Variants in GPATCH2 observed in about 807,000 individuals in gnomAD.
GPATCH2 encodes the protein G-patch domain containing 2, also known as G patch domain-containing protein 2.
In GPATCH2, 51 loss-of-function variants were observed where a neutral mutation model predicts 58.0. The ratio of observed to expected loss-of-function variants is 0.88; its 90% confidence interval spans 0.70 to 1.11. The LOEUF (loss-of-function observed/expected upper bound fraction) is 1.11, where lower values mean the gene tolerates loss of function less well. Among genes scored for constraint, GPATCH2 ranks in the 50% most tolerant of loss-of-function variants. The pLI is 0.00. For missense variants in GPATCH2, 625 were observed against 652.2 expected (o/e 0.96, Z 0.45); for synonymous variants, 222 against 218.5 (o/e 1.02, Z -0.14).
chr1:217,619,054 T>C (rs1669050090), intron 2 of GPATCH2, among the ~76,000 whole-genome samples: 1 of 152,158 alleles, frequency 6.6e-6, no homozygotes, highest in African/African-American at 2.4e-5. Context: ...TGGCTCATAG[T>C]TCAGCATTCG....
At chr1:217,565,154 C>T (rs1666154867) in intron 5 of GPATCH2, among the ~76,000 whole-genome samples, 1 of 152,142 alleles carries the variant, frequency 6.6e-6, no homozygotes, top group Non-Finnish European at 1.5e-5. Flanking sequence ...TTATTCACTA[C>T]TGGCAATACA....
intron 5 of GPATCH2, among the ~76,000 whole-genome samples, chr1:217,546,587 C>T (rs955910972): frequency 2.0e-5 from 3 of 152,174 alleles, no homozygotes; most frequent in African/African-American, 7.2e-5. Context: ...CCCTTCCTTA[C>T]AGCATATACA....
chr1:217,441,694 G>C (rs1281374015), intron 9 of GPATCH2, among the ~76,000 whole-genome samples: 1 of 152,120 alleles, frequency 6.6e-6, no homozygotes, highest in African/African-American at 2.4e-5. Context: ...GATATGAACA[G>C]ACACTTCTCA....
chr1:217,523,426 C>T (rs1368851241), intron 5 of GPATCH2, among the ~76,000 whole-genome samples: 2 of 151,646 alleles, frequency 1.3e-5, no homozygotes, highest in African/African-American at 2.4e-5. Context: ...ACAACTTGCA[C>T]CGCCCTTAAT....
intron 2 of GPATCH2, among the ~76,000 whole-genome samples, chr1:217,618,072 G>A (rs1356357979): frequency 3.3e-5 from 5 of 151,870 alleles, no homozygotes; most frequent in Admixed American, 6.6e-5. Flanking sequence ...TCTCCCTCCC[G>A]GTAATTGAGT....
intron 8 of GPATCH2, among the ~76,000 whole-genome samples, chr1:217,461,743 T>C (rs893254120): frequency 1.4e-4 from 22 of 152,278 alleles, no homozygotes; most frequent in Middle Eastern, 3.4e-3. Context: ...CTGAAGCTAG[T>C]TTTTACAGTA....
At chr1:217,625,102 A>T (rs1669387617) in intron 1 of GPATCH2, among the ~76,000 whole-genome samples, 1 of 152,228 alleles carries the variant, frequency 6.6e-6, no homozygotes, top group East Asian at 1.9e-4. Context: ...AGCTTTATTT[A>T]AAAATGTTAG....
At chr1:217,539,042 A>G (rs1015014404) in intron 5 of GPATCH2, among the ~76,000 whole-genome samples, 2 of 152,178 alleles carry the variant, frequency 1.3e-5, no homozygotes, top group African/African-American at 2.4e-5. Flanking sequence ...ATGGCATATG[A>G]GTTTAATAGA....
At chr1:217,524,592 A>T (rs1196590838) in intron 5 of GPATCH2, among the ~76,000 whole-genome samples, 1 of 150,916 alleles carries the variant, frequency 6.6e-6, no homozygotes, top group African/African-American at 2.4e-5. Flanking sequence ...AGTGAAGGAG[A>T]CTCCGTCTGC....
intron 5 of GPATCH2, among the ~76,000 whole-genome samples, chr1:217,528,441 A>C (rs1383177129): frequency 6.6e-6 from 1 of 152,232 alleles, no homozygotes; most frequent in East Asian, 1.9e-4. Flanking sequence ...AGGATGAGGC[A>C]AATCCTTCTG....
At chr1:217,454,610 ACCTT>A (rs1659852955) in intron 8 of GPATCH2, among the ~76,000 whole-genome samples, 3 of 140,376 alleles carry the variant, frequency 2.1e-5, no homozygotes, top group Admixed American at 7.1e-5. Flanking sequence ...AAAAAAAAAA[ACCTT>A]TCCTTTTTTT....
At chr1:217,452,266 C>T (rs547781580) in intron 8 of GPATCH2, among the ~76,000 whole-genome samples, 20 of 152,110 alleles carry the variant, frequency 1.3e-4, no homozygotes, top group Non-Finnish European at 5.9e-5. Context: ...AGTTACTGCA[C>T]AATGAAACTT....
chr1:217,517,365 T>C (rs970311966), intron 5 of GPATCH2, among the ~76,000 whole-genome samples: 1 of 152,150 alleles, frequency 6.6e-6, no homozygotes, highest in Non-Finnish European at 1.5e-5. Flanking sequence ...TCAATGTCAG[T>C]GGTCTGCCTC....
chr1:217,611,217 A>G (rs1266550463), intron 3 of GPATCH2, 146 bp from the exon 4 acceptor site: 3 of 703,224 alleles, frequency 4.3e-6, no homozygotes, highest in Non-Finnish European at 7.0e-6. Context: ...TAAGTATTAT[A>G]TACTTGCACT....
chr1:217,577,680 T>C (rs1479926264), intron 5 of GPATCH2, among the ~76,000 whole-genome samples: 2 of 152,134 alleles, frequency 1.3e-5, no homozygotes, highest in East Asian at 1.9e-4. Context: ...AAGAAACCCA[T>C]AAAAGTATTG....
intron 8 of GPATCH2, among the ~76,000 whole-genome samples, chr1:217,465,744 G>A (rs1462002131): frequency 6.6e-6 from 1 of 152,084 alleles, no homozygotes; most frequent in East Asian, 1.9e-4. Flanking sequence ...TCCCAGTCTT[G>A]GGTATGTCAT....
intron 6 of GPATCH2, among the ~76,000 whole-genome samples, chr1:217,499,989 CAG>C (rs1278840622): frequency 6.6e-6 from 1 of 152,062 alleles, no homozygotes; most frequent in Non-Finnish European, 1.5e-5. Context: ...TTTCTATTGT[CAG>C]ACTTAGCTCT....
intron 5 of GPATCH2, chr1:217,608,452 G>A: frequency 1.0e-6 from 1 of 985,094 alleles, no homozygotes; most frequent in Non-Finnish European, 1.2e-6. Context: ...GCAGCTTTTA[G>A]TATGGTTAAG....
chr1:217,630,824 C>T, intron 1 of GPATCH2, 92 bp downstream of exon 1: 2 of 893,866 alleles, frequency 2.2e-6, no homozygotes, highest in Non-Finnish European at 1.7e-6. Context: ...TCCATCACAG[C>T]TCCCTCCCGC....
Sources: gnomAD v4.1 joint callset for allele counts (sites outside exome capture counted in the v4.1 genomes callset) on GRCh38, gnomAD v4.1.1 for gene constraint, MANE v1.5 for transcripts, NCBI Gene and HGNC (gene_info 2026-07-23, HGNC 2026-07-21) for gene names.